LDLRAP1: variants seen among roughly 807,000 people sequenced by gnomAD.
LDLRAP1 encodes the protein low density lipoprotein receptor adapter protein 1.
LDLRAP1 carries 30 observed loss-of-function variants against 37.8 expected under a neutral mutation model. The ratio of observed to expected loss-of-function variants is 0.79; its 90% CI spans 0.59 to 1.08. LDLRAP1 has a LOEUF of 1.08. Among genes scored for constraint, LDLRAP1 ranks in the 50% least tolerant of loss-of-function variants. LDLRAP1 has a pLI of 0.00. For missense variants in LDLRAP1, 375 were observed against 401.6 expected (o/e 0.93, Z 0.57); for synonymous variants, 156 against 169.8 (o/e 0.92, Z 0.63).
chr1:25,584,131 G>A, the LDLRAP1 span, among the ~76,000 whole-genome samples: 2 of 152,024 alleles, frequency 1.3e-5, no homozygotes, highest in South Asian at 2.1e-4. Flanking sequence ...GTGTCTGAAC[G>A]CTGGCTCTGT....
chr1:25,559,654 C>T (rs1264665289), intron 4 of LDLRAP1, among the ~76,000 whole-genome samples: 2 of 152,248 alleles, frequency 1.3e-5, no homozygotes, highest in East Asian at 1.9e-4. Flanking sequence ...TCCAAGACAG[C>T]GCAGCCCAGC....
At chr1:25,585,416 C>G in the LDLRAP1 span, among the ~76,000 whole-genome samples, 2 of 151,880 alleles carry the variant, frequency 1.3e-5, no homozygotes, top group Non-Finnish European at 2.9e-5. Flanking sequence ...AGCTCCACCT[C>G]CTGGGTTCAC....
At chr1:25,552,326 G>A (rs1345156844) in intron 1 of LDLRAP1, among the ~76,000 whole-genome samples, 1 of 152,230 alleles carries the variant, frequency 6.6e-6, no homozygotes, top group African/African-American at 2.4e-5. Flanking sequence ...CTTTCTTCCT[G>A]TGGCTTTTCA....
At chr1:25,585,133 G>A in the LDLRAP1 span, among the ~76,000 whole-genome samples, 4 of 152,140 alleles carry the variant, frequency 2.6e-5, no homozygotes, top group African/African-American at 9.7e-5. Flanking sequence ...GCTGGCGGTG[G>A]CGACAGTGGC....
In LDLRAP1 at chr1:25,566,787, C is replaced by G. The variant is rs1290564896; in HGVS notation, c.783-61C>G. On this transcript the variant is annotated intron_variant, in intron 8 of 8. Transcript: ENST00000374338. ...GTTCCCCACTGGTGCCCCCTCGCGT[C>G]TGACCCTGGGGCGCGCCAGCCCTCA... 10 of 1,571,532 alleles carry G rather than the reference C, an allele frequency of 6.4e-6. No individual in the cohort carries two copies. The East Asian group carries it at 9.5e-5, about 15-fold the overall frequency.
chr1:25,559,878 G>A (rs890383604), intron 4 of LDLRAP1, among the ~76,000 whole-genome samples: 2 of 152,240 alleles, frequency 1.3e-5, no homozygotes, highest in African/African-American at 4.8e-5. Flanking sequence ...CTGAGCCATG[G>A]AGAAAACATC....
At chr1:25,574,953 C>T in the LDLRAP1 span, among the ~76,000 whole-genome samples, 5 of 152,118 alleles carry the variant, frequency 3.3e-5, no homozygotes, top group South Asian at 4.1e-4. Flanking sequence ...GTTCTTGGAA[C>T]GAATGGAAAC....
In LDLRAP1 at chr1:25,551,207, G is replaced by A. The variant is rs529744989; in HGVS notation, c.89-2715G>A. On this transcript the variant is annotated intron_variant, in intron 1 of 8. Transcript: ENST00000374338. ...CACAGTAGCACTTCTTTCCATTGCTGTCCTTGCTTAGATGGGTCTCAGGTT... is the reference window on the plus strand; with the variant it reads ...CACAGTAGCACTTCTTTCCATTGCTATCCTTGCTTAGATGGGTCTCAGGTT... Among the ~76,000 whole-genome samples, 6 of 152,326 alleles carry A rather than the reference G, an allele frequency of 3.9e-5. No homozygotes were observed. In the East Asian group the frequency reaches 1.2e-3, roughly 29 times the overall value.
At chr1:25,582,785 C>T in the LDLRAP1 span, among the ~76,000 whole-genome samples, 2 of 151,482 alleles carry the variant, frequency 1.3e-5, no homozygotes, top group Non-Finnish European at 2.9e-5. Context: ...TTAAAGTATA[C>T]AATGAGCCGG....
At chr1:25,565,990 G>C (rs1362613262) in intron 8 of LDLRAP1, among the ~76,000 whole-genome samples, 2 of 152,092 alleles carry the variant, frequency 1.3e-5, no homozygotes, top group African/African-American at 4.8e-5. Context: ...TCTTGCCAGG[G>C]ACTAGTGGAA....
intron 4 of LDLRAP1, among the ~76,000 whole-genome samples, chr1:25,562,321 G>A (rs1232737073): frequency 6.6e-6 from 1 of 152,244 alleles, no homozygotes; most frequent in Non-Finnish European, 1.5e-5. Flanking sequence ...AAAGGGGAAG[G>A]AAAAGACCTG....
chr1:25,571,678 G>A (rs1185297405), downstream of LDLRAP1, among the ~76,000 whole-genome samples: 1 of 152,248 alleles, frequency 6.6e-6, no homozygotes, highest in African/African-American at 2.4e-5. Context: ...TGTGCTGGGT[G>A]GCCCTGCCTC....
At chr1:25,553,164 C>T (rs915601262) in intron 1 of LDLRAP1, among the ~76,000 whole-genome samples, 1 of 152,184 alleles carries the variant, frequency 6.6e-6, no homozygotes, top group South Asian at 2.1e-4. Flanking sequence ...CCATGGGAAC[C>T]GCTCAGGGTT....
chr1:25,582,295 T>C, the LDLRAP1 span, among the ~76,000 whole-genome samples: 1 of 152,342 alleles, frequency 6.6e-6, no homozygotes, highest in East Asian at 1.9e-4. Context: ...CAAAAAATTA[T>C]GGTAGAATGG....
rs2124665453 is a variant in LDLRAP1 at position 25,554,348 on chromosome 1, G to A, written c.231+284G>A. ...TGGTGACTTATCAGCACCAGGAAGG[G>A]TGGGGAGTTTGCTTTCCCTTGACTA... On this transcript the variant is annotated intron_variant, in intron 2 of 8. Coordinates refer to ENST00000374338, the MANE Select transcript of LDLRAP1 (RefSeq NM_015627.3). The surrounding 1 kb of genome is among the most constrained non-coding windows in gnomAD (Gnocchi z 5.4). Among the ~76,000 whole-genome samples, 1 of 152,326 alleles carries A rather than the reference G, an allele frequency of 6.6e-6. No homozygotes were observed. The highest frequency in any genetic ancestry group is 1.9e-4 in the East Asian group (1 of 5,186).
chr1:25,565,068 T>C, intron 7 of LDLRAP1, 105 bp from the exon 8 acceptor site: 2 of 1,285,176 alleles, frequency 1.6e-6, no homozygotes, highest in Non-Finnish European at 2.3e-6. Flanking sequence ...CACCCTGAGC[T>C]TGTGTCCTGA....
downstream of LDLRAP1, among the ~76,000 whole-genome samples, chr1:25,569,352 G>A (rs1386666034): frequency 1.3e-5 from 2 of 152,190 alleles, no homozygotes; most frequent in African/African-American, 4.8e-5. Flanking sequence ...GGGGACAGGG[G>A]TCCAGGCGTG....
At chr1:25,559,333 AAG>A (rs1393137390) in intron 4 of LDLRAP1, among the ~76,000 whole-genome samples, 1 of 152,192 alleles carries the variant, frequency 6.6e-6, no homozygotes, top group East Asian at 1.9e-4. Flanking sequence ...GTCTGGGAGT[AAG>A]AGAGAGGTGC....
At chr1:25,563,582 A>G (rs2124692157) in intron 6 of LDLRAP1, 79 bp from the exon 7 acceptor site, 6 of 1,586,718 alleles carry the variant, frequency 3.8e-6, no homozygotes, top group Non-Finnish European at 5.1e-6. Flanking sequence ...GGGGAGGGTC[A>G]GGGCCAGGAC....
Sources: allele counts gnomAD v4.1 joint callset (sites outside exome capture counted in the v4.1 genomes callset), GRCh38; gene constraint gnomAD v4.1.1; non-coding constraint Gnocchi (gnomAD v3.1); transcripts MANE v1.5; gene names NCBI Gene and HGNC (gene_info 2026-07-23, HGNC 2026-07-21).